TLK1: variants seen among roughly 807,000 people sequenced by gnomAD.
The protein encoded by TLK1 is tousled like kinase 1, also known as serine/threonine-protein kinase tousled-like 1.
In TLK1, 24 loss-of-function variants were observed where a neutral mutation model predicts 105.3. The observed-to-expected ratio is 0.23, with a 90% CI of 0.17 to 0.32. The LOEUF (loss-of-function observed/expected upper bound fraction) is 0.32. Ranked by LOEUF, TLK1 falls within the 10% of genes least tolerant of loss-of-function variation. TLK1 has a pLI of 1.00. For missense variants in TLK1, 558 were observed against 910.5 expected, an observed-to-expected ratio of 0.61 and a Z score of 4.98; for synonymous variants, 321 against 310.4, an observed-to-expected ratio of 1.03 and a Z score of -0.36.
chr2:171,187,659 G>C (rs1314331386), intron 1 of TLK1, among the ~76,000 whole-genome samples: 2 of 152,022 alleles, frequency 1.3e-5, no homozygotes, highest in Non-Finnish European at 1.5e-5. Context: ...TGATTTTTTA[G>C]GAAGCCAGCT....
At chr2:171,082,539 T>C (rs540822270) in intron 3 of TLK1, among the ~76,000 whole-genome samples, 3 of 152,216 alleles carry the variant, frequency 2.0e-5, no homozygotes, top group Non-Finnish European at 4.4e-5. Context: ...AGTAAGAATA[T>C]ATACATATCA....
At chr2:171,094,037 T>G (rs1689350407) in intron 2 of TLK1, among the ~76,000 whole-genome samples, 1 of 152,170 alleles carries the variant, frequency 6.6e-6, no homozygotes. Flanking sequence ...AGGAGCCTAA[T>G]TACCTTGCAA....
At chr2:171,025,737 T>C (rs1179157517) in intron 12 of TLK1, among the ~76,000 whole-genome samples, 1 of 152,224 alleles carries the variant, frequency 6.6e-6, no homozygotes, top group African/African-American at 2.4e-5. Context: ...GAAAACAGAA[T>C]GACCTATTTT....
At chr2:171,200,456 A>G (rs1467972560) in intron 1 of TLK1, among the ~76,000 whole-genome samples, 3 of 152,186 alleles carry the variant, frequency 2.0e-5, no homozygotes, top group Non-Finnish European at 2.9e-5. Context: ...CGCAGCCCAC[A>G]TTTTACAGTC....
chr2:171,060,496 T>C (rs1687701364), intron 4 of TLK1, among the ~76,000 whole-genome samples: 1 of 152,332 alleles, frequency 6.6e-6, no homozygotes, highest in East Asian at 1.9e-4. Flanking sequence ...CTCCAACACA[T>C]GTAACATTAT....
intron 1 of TLK1, among the ~76,000 whole-genome samples, chr2:171,198,050 A>G (rs1209428582): frequency 6.6e-6 from 1 of 152,162 alleles, no homozygotes; most frequent in East Asian, 1.9e-4. Context: ...CCTAGAGTAG[A>G]TGGTCAATAA....
chr2:170,998,093 C>CTATCTATCTAT (rs1559331640), intron 18 of TLK1, among the ~76,000 whole-genome samples: 8 of 35,444 alleles, frequency 2.3e-4, no homozygotes, highest in East Asian at 7.3e-4. Flanking sequence ...TATCTATCTA[C>CTATCTATCTAT]CTACCTACCT....
intron 2 of TLK1, among the ~76,000 whole-genome samples, chr2:171,103,233 TTC>T (rs1689766411): frequency 1.3e-5 from 2 of 148,390 alleles, no homozygotes; most frequent in African/African-American, 5.1e-5. Context: ...TTGGGGAAGG[TTC>T]TGAGTTAAGA....
intron 10 of TLK1, among the ~76,000 whole-genome samples, chr2:171,046,841 GTA>G (rs1455502245): frequency 2.0e-5 from 3 of 152,054 alleles, no homozygotes; most frequent in Non-Finnish European, 2.9e-5. Context: ...AAAGTATGGG[GTA>G]TATGTTACAC....
At chr2:171,170,741 G>T (rs969804694) in intron 1 of TLK1, among the ~76,000 whole-genome samples, 3 of 152,332 alleles carry the variant, frequency 2.0e-5, no homozygotes, top group Middle Eastern at 3.4e-3. Context: ...TACGTTGTTT[G>T]GTGCTTTATT....
chr2:171,220,818 C>T (rs1298683857), intron 1 of TLK1, among the ~76,000 whole-genome samples: 1 of 151,914 alleles, frequency 6.6e-6, no homozygotes, highest in Non-Finnish European at 1.5e-5. Context: ...CCCTCTCACC[C>T]CCTAAAAACC....
At chr2:171,034,733 T>G (rs943498571) in intron 11 of TLK1, among the ~76,000 whole-genome samples, 2 of 152,216 alleles carry the variant, frequency 1.3e-5, no homozygotes, top group Non-Finnish European at 2.9e-5. Context: ...ATTCGTATGT[T>G]ACATAAATTT....
chr2:171,067,808 G>A (rs532911331), intron 3 of TLK1, among the ~76,000 whole-genome samples: 12 of 151,490 alleles, frequency 7.9e-5, no homozygotes, highest in East Asian at 5.8e-4. Context: ...CCCCCCAACC[G>A]CCCTGCCCCG....
chr2:171,094,168 A>G (rs1575591529), intron 2 of TLK1, among the ~76,000 whole-genome samples: 1 of 99,862 alleles, frequency 1.0e-5, no homozygotes, highest in African/African-American at 2.7e-5. Context: ...AATTAGAAAT[A>G]AAAGAGTTGA....
At chr2:171,076,735 T>TAA (rs35081277) in intron 3 of TLK1, among the ~76,000 whole-genome samples, 22 of 125,070 alleles carry the variant, frequency 1.8e-4, no homozygotes, top group East Asian at 9.7e-4. Context: ...CCATCTCTAC[T>TAA]AAAAAAAAAA....
intron 6 of TLK1, among the ~76,000 whole-genome samples, chr2:171,056,121 T>G (rs142394035): frequency 3.6e-4 from 55 of 152,166 alleles, no homozygotes; most frequent in African/African-American, 1.3e-3. Flanking sequence ...GGTTAAGAAA[T>G]TCAATTGTTA....
At chr2:171,115,249 G>A (rs1421570184) in intron 2 of TLK1, among the ~76,000 whole-genome samples, 9 of 143,834 alleles carry the variant, frequency 6.3e-5, no homozygotes, top group Admixed American at 2.2e-4. Context: ...TTGGCTCACC[G>A]CAACCTCCGT....
chr2:171,100,380 G>A (rs1247736068), intron 2 of TLK1, among the ~76,000 whole-genome samples: 1 of 152,140 alleles, frequency 6.6e-6, no homozygotes, highest in East Asian at 1.9e-4. Flanking sequence ...GCAGTAATGA[G>A]TGAGTTCTTA....
chr2:171,040,388 G>A (rs1220845883), intron 11 of TLK1, among the ~76,000 whole-genome samples: 1 of 152,138 alleles, frequency 6.6e-6, no homozygotes. Flanking sequence ...GGTGTGGGAT[G>A]TTGACAGTAG....
Sources: allele counts gnomAD v4.1 joint callset (sites outside exome capture counted in the v4.1 genomes callset), GRCh38; gene constraint gnomAD v4.1.1; transcripts MANE v1.5; gene names NCBI Gene and HGNC (gene_info 2026-07-23, HGNC 2026-07-21).